Variants in PTER observed in about 807,000 individuals in gnomAD.
PTER encodes the protein phosphotriesterase related, also known as N-acetyltaurine hydrolase.
PTER carries 38 observed loss-of-function variants against 29.6 expected under a neutral mutation model. The ratio of observed to expected loss-of-function variants is 1.28; its 90% CI spans 0.99 to 1.68. The LOEUF is 1.68. Among genes scored for constraint, PTER ranks in the 40% most tolerant of loss-of-function variants. The probability of loss-of-function intolerance (pLI) is 0.00; values close to 1 mark genes in which losing one functional copy is unlikely to be tolerated. For missense variants in PTER, 482 were observed against 427.8 expected, an observed-to-expected ratio of 1.13 and a Z score of -1.12; for synonymous variants, 172 against 154.5, an observed-to-expected ratio of 1.11 and a Z score of -0.84.
intron 3 of PTER, among the ~76,000 whole-genome samples, chr10:16,496,933 ATTT>A (rs57514349): frequency 2.3e-4 from 30 of 132,006 alleles, no homozygotes; most frequent in African/African-American, 6.6e-4. Flanking sequence ...GGTTCTCTGG[ATTT>A]TTTTTTTTTT....
chr10:16,509,939 A>G (rs551278373), intron 4 of PTER, among the ~76,000 whole-genome samples: 7 of 152,216 alleles, frequency 4.6e-5, no homozygotes, highest in African/African-American at 1.2e-4. Context: ...TTGTGTGTGT[A>G]GTACCCCACG....
At chr10:16,471,739 G>A (rs1488346618) in intron 1 of PTER, among the ~76,000 whole-genome samples, 1 of 152,070 alleles carries the variant, frequency 6.6e-6, no homozygotes, top group Admixed American at 6.5e-5. Context: ...ATAATTGAAT[G>A]GTTGCATAAT....
At chr10:16,440,856 G>A (rs1436577532) in intron 1 of PTER, among the ~76,000 whole-genome samples, 1 of 152,182 alleles carries the variant, frequency 6.6e-6, no homozygotes, top group Non-Finnish European at 1.5e-5. Context: ...GTGTTACTGT[G>A]GCCTAGCCTG....
intron 3 of PTER, 183 bp downstream of exon 3, chr10:16,486,800 G>T: frequency 1.5e-6 from 1 of 660,464 alleles, no homozygotes; most frequent in Non-Finnish European, 2.5e-6. Flanking sequence ...TGCCATTTTT[G>T]TGTCCCTCCT....
intron 1 of PTER, among the ~76,000 whole-genome samples, chr10:16,471,998 C>A (rs1246933501): frequency 6.6e-6 from 1 of 152,208 alleles, no homozygotes; most frequent in South Asian, 2.1e-4. Flanking sequence ...CATACCTCCA[C>A]GCTCACTACA....
At chr10:16,491,780 T>C (rs1455612127) in intron 3 of PTER, among the ~76,000 whole-genome samples, 1 of 152,180 alleles carries the variant, frequency 6.6e-6, no homozygotes, top group Non-Finnish European at 1.5e-5. Flanking sequence ...CCCTCAGTCT[T>C]ACCTACCCAT....
At chr10:16,447,813 T>C (rs1178309791) in intron 1 of PTER, among the ~76,000 whole-genome samples, 1 of 152,110 alleles carries the variant, frequency 6.6e-6, no homozygotes, top group African/African-American at 2.4e-5. Context: ...CAACTGATCA[T>C]AGGGAACTCC....
chr10:16,455,838 T>C (rs1834374760), intron 1 of PTER, among the ~76,000 whole-genome samples: 1 of 152,244 alleles, frequency 6.6e-6, no homozygotes, highest in South Asian at 2.1e-4. Flanking sequence ...TTTGTGTTTG[T>C]AATAGGTTTA....
intron 1 of PTER, among the ~76,000 whole-genome samples, chr10:16,459,807 G>A (rs765663661): frequency 1.3e-5 from 2 of 152,122 alleles, no homozygotes; most frequent in African/African-American, 2.4e-5. Flanking sequence ...GGGGTGCAAT[G>A]CACCATCTTG....
In PTER at chr10:16,508,520, G is replaced by T. The variant is rs116064004; in HGVS notation, c.840-2526G>T. 2.8e-3 allele frequency among the ~76,000 whole-genome samples: 420 copies of T among 152,234 alleles called. 1 individual carries two copies. Among genetic ancestry groups the T allele is most frequent in the African/African-American group, 9.8e-3 (405 of 41,532 alleles). Reference sequence around the variant, plus strand: ...AGACCTTCTAGAACAAGAGAAAGAAGATCCGTAAAGGGGCATCTGTGAAGG... The same window carrying T: ...AGACCTTCTAGAACAAGAGAAAGAATATCCGTAAAGGGGCATCTGTGAAGG... On this transcript the variant is annotated intron_variant, in intron 4 of 4. Transcript: ENST00000535784.
chr10:16,488,677 C>A (rs995812746), intron 3 of PTER, among the ~76,000 whole-genome samples: 3 of 152,042 alleles, frequency 2.0e-5, no homozygotes, highest in African/African-American at 7.2e-5. Flanking sequence ...GATTTTGGCT[C>A]ACTGCAGCCT....
intron 4 of PTER, among the ~76,000 whole-genome samples, chr10:16,508,135 C>A (rs941323445): frequency 7.1e-5 from 10 of 141,238 alleles, no homozygotes; most frequent in African/African-American, 2.5e-4. Flanking sequence ...GTGGCGCAAT[C>A]TCACCTCACT....
intron 3 of PTER, among the ~76,000 whole-genome samples, chr10:16,497,245 T>C (rs990252831): frequency 2.6e-5 from 4 of 152,196 alleles, no homozygotes; most frequent in African/African-American, 9.6e-5. Context: ...CTCTGGATCA[T>C]TCATCTTGAT....
chr10:16,454,690 A>T (rs1045293611), intron 1 of PTER, among the ~76,000 whole-genome samples: 35 of 23,556 alleles, frequency 1.5e-3, no homozygotes, highest in Non-Finnish European at 1.9e-3. Context: ...ATGTCAAGAC[A>T]TATAATATAA....
intron 1 of PTER, among the ~76,000 whole-genome samples, chr10:16,483,226 G>A (rs1835546477): frequency 6.6e-6 from 1 of 152,158 alleles, no homozygotes; most frequent in African/African-American, 2.4e-5. Flanking sequence ...AGGATAGAGA[G>A]GGCTTTGCTC....
At chr10:16,479,851 G>A (rs570456721) in intron 1 of PTER, among the ~76,000 whole-genome samples, 3 of 151,684 alleles carry the variant, frequency 2.0e-5, no homozygotes, top group Non-Finnish European at 2.9e-5. Flanking sequence ...ATTCGTACAC[G>A]GCTGCCAGGC....
At chr10:16,470,595 C>A (rs1835010638) in intron 1 of PTER, among the ~76,000 whole-genome samples, 1 of 152,084 alleles carries the variant, frequency 6.6e-6, no homozygotes, top group Non-Finnish European at 1.5e-5. Context: ...GAGTGAAACC[C>A]CATGTCTACT....
At position 16,505,067 on chromosome 10, in the gene PTER, G is replaced by C; in HGVS notation, c.746G>C (p.Cys249Ser). Residue 249 changes from cysteine to serine, a missense_variant, in exon 4 of 5, where the codon TGC becomes TCC. Coordinates refer to ENST00000535784, the MANE Select transcript of PTER (RefSeq NM_001261836.2). ...KELLEFAQLG[C>S]YLEYDLFGTE... ...CTCTTGGAGTTTGCTCAACTTGGCTGCTACTTGGAATATGATCTCTTTGGT... is the reference window on the plus strand; with the variant it reads ...CTCTTGGAGTTTGCTCAACTTGGCTCCTACTTGGAATATGATCTCTTTGGT... 6.2e-7 allele frequency: 1 copy of C among 1,613,956 alleles called. No homozygotes were observed. Among genetic ancestry groups the C allele is most frequent in the Non-Finnish European group, 8.5e-7 (1 of 1,179,910 alleles).
intron 1 of PTER, among the ~76,000 whole-genome samples, chr10:16,467,520 G>A (rs56803780): frequency 0.31 from 47,531 of 151,896 alleles, 7,598 homozygotes; most frequent in Middle Eastern, 0.43. Flanking sequence ...ATCTAAAATA[G>A]CACATTTGCT....
Sources: allele counts gnomAD v4.1 joint callset (sites outside exome capture counted in the v4.1 genomes callset), GRCh38; gene constraint gnomAD v4.1.1; transcripts MANE v1.5; gene names NCBI Gene and HGNC (gene_info 2026-07-23, HGNC 2026-07-21).